Variants in SH3GL2 observed in about 807,000 individuals in gnomAD.
SH3GL2 encodes the protein SH3 domain containing GRB2 like 2, endophilin A1, also known as endophilin-A1.
A neutral mutation model predicts 46.0 loss-of-function variants in SH3GL2; 24 were observed. The observed-to-expected ratio is 0.52, with a 90% CI of 0.38 to 0.73. The LOEUF is 0.73. SH3GL2 is among the 30% of genes least tolerant of loss of function. The pLI is 0.00. For synonymous variants in SH3GL2, 196 were observed against 147.1 expected (o/e 1.33, Z -2.40); for missense variants, 413 against 424.2 (o/e 0.97, Z 0.23).
chr9:17,763,740 GA>G (rs1461052749), intron 3 of SH3GL2, among the ~76,000 whole-genome samples: 1 of 152,020 alleles, frequency 6.6e-6, no homozygotes, highest in African/African-American at 2.4e-5. Context: ...TTTTATTCAG[GA>G]AAAAACAAGG....
At chr9:17,679,152 T>G (rs1820696851) in intron 1 of SH3GL2, among the ~76,000 whole-genome samples, 1 of 152,196 alleles carries the variant, frequency 6.6e-6, no homozygotes, top group Admixed American at 6.5e-5. Context: ...AAAGTAGTTT[T>G]TTCCAATTCT....
At chr9:17,607,024 A>G (rs917039361) in intron 1 of SH3GL2, among the ~76,000 whole-genome samples, 3 of 152,206 alleles carry the variant, frequency 2.0e-5, no homozygotes, top group African/African-American at 7.2e-5. Flanking sequence ...TCCTCTTCTC[A>G]TAAGGCCGGT....
intron 3 of SH3GL2, among the ~76,000 whole-genome samples, chr9:17,763,111 TTAAAAG>T (rs1256804723): frequency 1.3e-5 from 2 of 152,178 alleles, no homozygotes; most frequent in Non-Finnish European, 2.9e-5. Flanking sequence ...TGTCTCATCT[TTAAAAG>T]TAACCATTTT....
At chr9:17,668,470 T>C (rs1244536070) in intron 1 of SH3GL2, among the ~76,000 whole-genome samples, 3 of 152,226 alleles carry the variant, frequency 2.0e-5, no homozygotes, top group Admixed American at 6.5e-5. Context: ...AGATTGCTTA[T>C]GATTTTTTTT....
At chr9:17,595,546 A>T (rs1320084366) in intron 1 of SH3GL2, among the ~76,000 whole-genome samples, 1 of 152,234 alleles carries the variant, frequency 6.6e-6, no homozygotes, top group African/African-American at 2.4e-5. Flanking sequence ...TGTTTTTAGG[A>T]AACTATTCAC....
intron 1 of SH3GL2, among the ~76,000 whole-genome samples, chr9:17,611,505 C>T (rs899848399): frequency 1.3e-5 from 2 of 152,126 alleles, no homozygotes; most frequent in African/African-American, 4.8e-5. Context: ...CCTTGACTTT[C>T]CATGTCATCG....
intron 1 of SH3GL2, among the ~76,000 whole-genome samples, chr9:17,696,404 C>G (rs999702842): frequency 3.3e-5 from 5 of 152,126 alleles, no homozygotes; most frequent in African/African-American, 9.7e-5. Context: ...CACTTTACTA[C>G]TATGGTATAT....
intron 1 of SH3GL2, among the ~76,000 whole-genome samples, chr9:17,635,603 C>T (rs540392618): frequency 2.6e-5 from 4 of 152,250 alleles, no homozygotes; most frequent in South Asian, 2.1e-4. Context: ...TCCTGGGGTT[C>T]GGGATGCACT....
chr9:17,779,128 G>A (rs1338747857), intron 3 of SH3GL2, among the ~76,000 whole-genome samples: 2 of 152,086 alleles, frequency 1.3e-5, no homozygotes, highest in Admixed American at 6.6e-5. Flanking sequence ...TCAGGGCCCA[G>A]GCTTGCTTGC....
chr9:17,702,392 A>G (rs1258035880), intron 1 of SH3GL2, among the ~76,000 whole-genome samples: 1 of 152,080 alleles, frequency 6.6e-6, no homozygotes, highest in African/African-American at 2.4e-5. Context: ...GAAACTATAA[A>G]GGAAAGAATC....
rs759193636 is a variant in SH3GL2 at position 17,793,481 on chromosome 9, C to G, written c.843C>G (p.Gly281=). The stretch of plus-strand genomic sequence containing the variant: ...CCAATGGGGGTCTCTCCCACACAGG[C>G]ACTCCCAAACCTTCAGGTAAGAGCT... ...TQPNGGLSHT[G]TPKPSGVQMD... is the part of the protein sequence containing the mutation. Residue 281 remains glycine (G), a synonymous_variant, in exon 8 of 9, where the codon GGC becomes GGG. Coordinates refer to ENST00000380607, the MANE Select transcript of SH3GL2 (RefSeq NM_003026.5). The G allele has an allele frequency of 3.1e-6, 5 of 1,613,024 alleles. No homozygotes were observed. The highest frequency in any genetic ancestry group is 1.7e-5 in the Admixed American group (1 of 59,810).
At chr9:17,634,144 G>A (rs1479803311) in intron 1 of SH3GL2, among the ~76,000 whole-genome samples, 1 of 152,000 alleles carries the variant, frequency 6.6e-6, no homozygotes, top group Non-Finnish European at 1.5e-5. Flanking sequence ...TCTGTACGGT[G>A]GAGACCACTG....
At chr9:17,651,922 C>T (rs963910494) in intron 1 of SH3GL2, among the ~76,000 whole-genome samples, 1 of 152,092 alleles carries the variant, frequency 6.6e-6, no homozygotes, top group East Asian at 1.9e-4. Flanking sequence ...AGTCGGGGAT[C>T]TTTGCCAAAT....
intron 1 of SH3GL2, among the ~76,000 whole-genome samples, chr9:17,739,025 TGA>T (rs1417230487): frequency 6.6e-6 from 1 of 152,274 alleles, no homozygotes; most frequent in East Asian, 1.9e-4. Flanking sequence ...GAAATAAGCA[TGA>T]AATTTGTAGT....
chr9:17,777,059 A>G (rs1823661037), intron 3 of SH3GL2, among the ~76,000 whole-genome samples: 1 of 152,108 alleles, frequency 6.6e-6, no homozygotes, highest in Non-Finnish European at 1.5e-5. Context: ...TAGAATGGAG[A>G]GTGTTAGGGA....
intron 2 of SH3GL2, among the ~76,000 whole-genome samples, chr9:17,759,004 C>T (rs964946557): frequency 6.6e-6 from 1 of 152,318 alleles, no homozygotes; most frequent in East Asian, 1.9e-4. Flanking sequence ...CCTGAGACCA[C>T]TGGCTTCAGC....
chr9:17,757,174 A>G (rs1823020175), intron 2 of SH3GL2, among the ~76,000 whole-genome samples: 1 of 152,120 alleles, frequency 6.6e-6, no homozygotes, highest in South Asian at 2.1e-4. Flanking sequence ...GAAGACTTAA[A>G]TGTTAGACCT....
intron 1 of SH3GL2, among the ~76,000 whole-genome samples, chr9:17,709,132 C>A (rs112848618): frequency 1.3e-5 from 2 of 152,152 alleles, no homozygotes; most frequent in Admixed American, 6.6e-5. Flanking sequence ...TTCTGCTGAT[C>A]TATGATTCTC....
rs73422613 is a variant in SH3GL2, at chr9:17,681,380, C to G, written c.46-65686C>G. Among the ~76,000 whole-genome samples, 963 of 152,150 alleles carry G rather than the reference C, an allele frequency of 6.3e-3. 7 individuals carry two copies. Among genetic ancestry groups the G allele is most frequent in the African/African-American group, 0.021 (886 of 41,530 alleles). On this transcript the variant is annotated intron_variant, in intron 1 of 8. Coordinates refer to ENST00000380607, the MANE Select transcript of SH3GL2 (RefSeq NM_003026.5). The stretch of plus-strand genomic sequence containing the variant: ...TTGTTGTCATTGTATTTTCCGCTGT[C>G]TCTTGATTTATCAGCAAAAATACAG...
Sources: allele counts gnomAD v4.1 joint callset (sites outside exome capture counted in the v4.1 genomes callset), GRCh38; gene constraint gnomAD v4.1.1; transcripts MANE v1.5; gene names NCBI Gene and HGNC (gene_info 2026-07-23, HGNC 2026-07-21).